Variants in PLCL2 observed in about 807,000 individuals in gnomAD.
PLCL2 encodes inactive phospholipase C-like protein 2.
PLCL2 carries 4 observed loss-of-function variants against 79.6 expected under a neutral mutation model. The ratio of observed to expected loss-of-function variants is 0.05; its 90% CI spans 0.02 to 0.11. The LOEUF is 0.11. Among genes scored for constraint, PLCL2 ranks in the 10% least tolerant of loss-of-function variants. The probability of loss-of-function intolerance (pLI) is 1.00; values close to 1 mark genes in which losing one functional copy is unlikely to be tolerated. For synonymous variants in PLCL2, 484 were observed against 457.7 expected (o/e 1.06, Z -0.73); for missense variants, 895 against 1,291.0 (o/e 0.69, Z 4.70).
At chr3:16,979,965 G>T (rs1379751782) in intron 1 of PLCL2, among the ~76,000 whole-genome samples, 2 of 148,598 alleles carry the variant, frequency 1.3e-5, no homozygotes, top group African/African-American at 5.0e-5. Context: ...CCGGACGGGG[G>T]GCTGACCCCC....
At chr3:16,977,474 T>C (rs1420508222) in intron 1 of PLCL2, among the ~76,000 whole-genome samples, 6 of 152,198 alleles carry the variant, frequency 3.9e-5, no homozygotes, top group Non-Finnish European at 8.8e-5. Flanking sequence ...CCTTCCTCTT[T>C]TAATCCATTC....
In PLCL2 at chr3:17,024,316, G is replaced by C. The variant is rs7625544; in HGVS notation, c.3018+9405G>C. 7.6e-3 allele frequency among the ~76,000 whole-genome samples: 1,155 copies of C among 152,258 alleles called. 20 individuals carry two copies. Among genetic ancestry groups the C allele is most frequent in the African/African-American group, 0.027 (1,104 of 41,544 alleles). On this transcript the variant is annotated intron_variant, in intron 3 of 5. Coordinates refer to ENST00000615277, the MANE Select transcript of PLCL2 (RefSeq NM_001144382.2). The stretch of plus-strand genomic sequence containing the variant: ...TAATTGCCAAGAGAGAGAAAAAGGA[G>C]GGTGAAGTGTGAGAGGAATATCTTT...
rs1164354254 is a variant in PLCL2, at chr3:16,885,004, G to C, written c.-36G>C. Reference sequence around the variant, plus strand: ...CGGCGGCGGGGACGCGGGGACGCGAGGACGCGGCTTTGTGCAGGCGGGTCG... The same window carrying C: ...CGGCGGCGGGGACGCGGGGACGCGACGACGCGGCTTTGTGCAGGCGGGTCG... On this transcript the variant is annotated 5_prime_UTR_variant, in exon 1 of 6. Transcript: ENST00000615277. 3.8e-6 allele frequency: 1 copy of C among 264,506 alleles called. No individual in the cohort carries two copies. The highest frequency in any genetic ancestry group is 7.0e-6 in the Non-Finnish European group (1 of 141,884). The allele number at this position is 264,506 out of a possible 1,614,324, so 16.4% of individuals were successfully genotyped here.
chr3:16,913,145 G>A (rs1392318561), intron 1 of PLCL2, among the ~76,000 whole-genome samples: 2 of 152,088 alleles, frequency 1.3e-5, no homozygotes, highest in East Asian at 1.9e-4. Context: ...TGTATCATCA[G>A]TACTACTCTA....
chr3:16,988,661 T>G (rs555173853), intron 1 of PLCL2, among the ~76,000 whole-genome samples: 1 of 152,268 alleles, frequency 6.6e-6, no homozygotes, highest in South Asian at 2.1e-4. Flanking sequence ...TATAATGTTG[T>G]GGCCTTCAGG....
intron 3 of PLCL2, among the ~76,000 whole-genome samples, chr3:17,015,147 T>C (rs1575588015): frequency 6.6e-6 from 1 of 152,362 alleles, no homozygotes; most frequent in East Asian, 1.9e-4. Context: ...ATTAGTTAGC[T>C]TCTCAGCTAT....
At chr3:16,932,833 G>T (rs879814013) in intron 1 of PLCL2, among the ~76,000 whole-genome samples, 4 of 152,206 alleles carry the variant, frequency 2.6e-5, no homozygotes, top group Admixed American at 2.6e-4. Context: ...GCCTCACTCT[G>T]TCTTGCCATG....
intron 5 of PLCL2, among the ~76,000 whole-genome samples, chr3:17,081,969 G>C (rs941043501): frequency 6.6e-6 from 1 of 152,186 alleles, no homozygotes; most frequent in African/African-American, 2.4e-5. Context: ...AATGACATTT[G>C]AGTTGTTCAA....
At chr3:16,957,480 T>C (rs1486592989) in intron 1 of PLCL2, among the ~76,000 whole-genome samples, 1 of 152,226 alleles carries the variant, frequency 6.6e-6, no homozygotes, top group Admixed American at 6.5e-5. Flanking sequence ...AGGTGTGGTG[T>C]GGTGCTGAAA....
At chr3:16,966,814 CTTTTA>C (rs1308535233) in intron 1 of PLCL2, among the ~76,000 whole-genome samples, 4 of 151,952 alleles carry the variant, frequency 2.6e-5, no homozygotes, top group Admixed American at 6.6e-5. Context: ...ATTTTTTTTA[CTTTTA>C]TTTTAAGTTC....
At chr3:17,051,003 A>G (rs986983819) in intron 4 of PLCL2, among the ~76,000 whole-genome samples, 8 of 152,176 alleles carry the variant, frequency 5.3e-5, no homozygotes, top group African/African-American at 1.9e-4. Context: ...ACATGGATGG[A>G]ACTGGAAGTC....
chr3:16,890,587 C>T (rs1320997645), intron 1 of PLCL2, among the ~76,000 whole-genome samples: 1 of 152,188 alleles, frequency 6.6e-6, no homozygotes, highest in Non-Finnish European at 1.5e-5. Flanking sequence ...TGCTTTCTTC[C>T]TTCTTAATAC....
chr3:17,064,585 AAAG>A (rs2064989658), intron 4 of PLCL2, among the ~76,000 whole-genome samples: 1 of 152,130 alleles, frequency 6.6e-6, no homozygotes, highest in South Asian at 2.1e-4. Flanking sequence ...GAGACAGTGA[AAAG>A]TCAAGGTGAG....
chr3:16,956,448 T>G (rs1289842588), intron 1 of PLCL2, among the ~76,000 whole-genome samples: 1 of 152,152 alleles, frequency 6.6e-6, no homozygotes, highest in African/African-American at 2.4e-5. Flanking sequence ...TTATTGAGGA[T>G]TTTTGCATCA....
intron 1 of PLCL2, among the ~76,000 whole-genome samples, chr3:16,962,274 C>T (rs2063762294): frequency 1.3e-5 from 2 of 152,146 alleles, no homozygotes; most frequent in Non-Finnish European, 2.9e-5. Context: ...GAGAGCTGAG[C>T]TAGCAGAGAT....
At chr3:17,048,594 C>T (rs1158416714) in intron 4 of PLCL2, among the ~76,000 whole-genome samples, 1 of 152,148 alleles carries the variant, frequency 6.6e-6, no homozygotes, top group Admixed American at 6.6e-5. Flanking sequence ...ATGTAAGATG[C>T]ACTATTAACT....
At chr3:17,026,730 G>C (rs2064521178) in intron 3 of PLCL2, among the ~76,000 whole-genome samples, 1 of 152,092 alleles carries the variant, frequency 6.6e-6, no homozygotes, top group East Asian at 1.9e-4. Context: ...AGCCAGGCAT[G>C]ATGGTGCATG....
At chr3:17,049,187 T>C (rs1031808303) in intron 4 of PLCL2, among the ~76,000 whole-genome samples, 2 of 151,638 alleles carry the variant, frequency 1.3e-5, no homozygotes, top group Non-Finnish European at 2.9e-5. Flanking sequence ...TAATATGATT[T>C]AAAAAAAAGT....
chr3:16,990,134 A>T (rs1184588070), intron 1 of PLCL2, among the ~76,000 whole-genome samples: 1 of 152,112 alleles, frequency 6.6e-6, no homozygotes, highest in Admixed American at 6.5e-5. Context: ...GATGGTGATG[A>T]TGATAGCAGT....
Sources: gnomAD v4.1 joint callset for allele counts (sites outside exome capture counted in the v4.1 genomes callset) on GRCh38, gnomAD v4.1.1 for gene constraint, MANE v1.5 for transcripts, NCBI Gene and HGNC (gene_info 2026-07-23, HGNC 2026-07-21) for gene names.